Variants in CHLSN observed in about 807,000 individuals in gnomAD.
CHLSN encodes the protein protein cholesin.
At chr7:1,057,778 C>T in the CHLSN span, 19 of 775,940 alleles carry the variant, frequency 2.4e-5, no homozygotes, top group East Asian at 2.2e-4. Flanking sequence ...CTCGGCCCCC[C>T]GAGCTCCCGG....
chr7:998,923 T>G, the CHLSN span, among the ~76,000 whole-genome samples: 1 of 152,258 alleles, frequency 6.6e-6, no homozygotes, highest in Non-Finnish European at 1.5e-5. Context: ...CATTTTGAGT[T>G]AATTTTTGCA....
chr7:1,114,286 G>A, the CHLSN span, among the ~76,000 whole-genome samples: 1 of 152,274 alleles, frequency 6.6e-6, no homozygotes, highest in Non-Finnish European at 1.5e-5. Context: ...AGAAAGACCT[G>A]CTGCCTAAGT....
At chr7:1,123,362 G>A in the CHLSN span, among the ~76,000 whole-genome samples, 34 of 152,330 alleles carry the variant, frequency 2.2e-4, no homozygotes, top group African/African-American at 4.8e-4. The surrounding 1 kb of genome is among the most constrained non-coding windows in gnomAD (Gnocchi z 4.4). Context: ...CCGCTGACCC[G>A]CAGGCTCCCC....
the CHLSN span, among the ~76,000 whole-genome samples, chr7:1,082,451 A>G: frequency 1.3e-5 from 2 of 152,230 alleles, no homozygotes; most frequent in Admixed American, 1.3e-4. Context: ...TGAGTTACTC[A>G]GAGCAGGGGA....
the CHLSN span, among the ~76,000 whole-genome samples, chr7:1,020,479 G>A: frequency 6.6e-6 from 1 of 152,110 alleles, no homozygotes; most frequent in Non-Finnish European, 1.5e-5. Flanking sequence ...GCCCCTCGGC[G>A]CCCCCACCTG....
chr7:1,069,112 C>A, the CHLSN span, among the ~76,000 whole-genome samples: 1 of 152,172 alleles, frequency 6.6e-6, no homozygotes, highest in Non-Finnish European at 1.5e-5. Flanking sequence ...GCGGGCGGAT[C>A]ACCTGAGGTC....
At chr7:1,130,915 T>C in the CHLSN span, among the ~76,000 whole-genome samples, 94 of 152,280 alleles carry the variant, frequency 6.2e-4, 1 homozygote, top group African/African-American at 2.1e-3. Context: ...AGTCCAGGCA[T>C]AGTGGCTCAC....
At chr7:994,161 A>G in the CHLSN span, among the ~76,000 whole-genome samples, 1 of 152,012 alleles carries the variant, frequency 6.6e-6, no homozygotes, top group East Asian at 1.9e-4. Context: ...TTTTATTTTT[A>G]TGTATTTATT....
At chr7:1,121,327 G>A in the CHLSN span, among the ~76,000 whole-genome samples, 21 of 152,226 alleles carry the variant, frequency 1.4e-4, 1 homozygote, top group South Asian at 3.9e-3. Context: ...AAACAATTCG[G>A]GCTCCCAGGG....
At chr7:1,103,416 T>G in the CHLSN span, among the ~76,000 whole-genome samples, 1 of 152,168 alleles carries the variant, frequency 6.6e-6, no homozygotes, top group Non-Finnish European at 1.5e-5. Context: ...CAACAGTCGT[T>G]AGAATGACCT....
the CHLSN span, among the ~76,000 whole-genome samples, chr7:1,124,751 A>C: frequency 0.22 from 33,940 of 151,650 alleles, 4,210 homozygotes; most frequent in Middle Eastern, 0.35. Flanking sequence ...AGCACAAAAA[A>C]AAAAAAAAAG....
chr7:984,442 G>C, the CHLSN span: 2 of 1,549,160 alleles, frequency 1.3e-6, no homozygotes, highest in East Asian at 4.9e-5. Flanking sequence ...GGTGTTCACC[G>C]TGCACCTGGG....
chr7:986,516 ACCCAGAGT>A, the CHLSN span: 1 of 1,325,486 alleles, frequency 7.5e-7, no homozygotes, highest in Non-Finnish European at 1.1e-6. Flanking sequence ...CAGCACATCC[ACCCAGAGT>A]CCCTGGGCGT....
chr7:1,022,958 C>A, the CHLSN span: 3 of 470,908 alleles, frequency 6.4e-6, no homozygotes, highest in African/African-American at 4.0e-5. Flanking sequence ...CAGGCGCCGG[C>A]TCTGTCGTCG....
the CHLSN span, chr7:983,111 T>TGGGGTGGGTGGGGTGCG: frequency 1.2e-6 from 1 of 855,830 alleles, no homozygotes; most frequent in African/African-American, 3.9e-5. Context: ...CTCGGGGTGG[T>TGGGGTGGGTGGGGTGCG]GGGGTGGGTG....
the CHLSN span, among the ~76,000 whole-genome samples, chr7:1,014,776 G>A: frequency 1.3e-5 from 2 of 152,276 alleles, no homozygotes; most frequent in Non-Finnish European, 2.9e-5. Flanking sequence ...TGAGAAGGGG[G>A]CCACATTGGC....
the CHLSN span, among the ~76,000 whole-genome samples, chr7:1,067,089 G>A: frequency 6.7e-6 from 1 of 150,142 alleles, no homozygotes; most frequent in Admixed American, 6.6e-5. Flanking sequence ...TGAGGGTTTG[G>A]GGCACAGTCT....
chr7:1,035,774 A>C, the CHLSN span, among the ~76,000 whole-genome samples: 1 of 152,218 alleles, frequency 6.6e-6, no homozygotes. Context: ...GGATTCAGCA[A>C]ATGTGCCCCT....
At chr7:1,018,299 A>G in the CHLSN span, among the ~76,000 whole-genome samples, 1 of 152,094 alleles carries the variant, frequency 6.6e-6, no homozygotes, top group Admixed American at 6.5e-5. Flanking sequence ...AAAGTGACTA[A>G]CGAAAGCACG....
Sources: allele counts gnomAD v4.1 joint callset (sites outside exome capture counted in the v4.1 genomes callset), GRCh38; gene constraint gnomAD v4.1.1; non-coding constraint Gnocchi (gnomAD v3.1); transcripts MANE v1.5; gene names NCBI Gene and HGNC (gene_info 2026-07-23, HGNC 2026-07-21).